RHOBTB2: variants seen among roughly 807,000 people sequenced by gnomAD.
The protein encoded by RHOBTB2 is Rho related BTB domain containing 2, also known as rho-related BTB domain-containing protein 2.
In RHOBTB2, 39 loss-of-function variants were observed where a neutral mutation model predicts 66.5. That is an observed-to-expected ratio of 0.59 (90% CI 0.45 to 0.77). The LOEUF (loss-of-function observed/expected upper bound fraction) is 0.77. Ranked by LOEUF, RHOBTB2 falls within the 30% of genes least tolerant of loss-of-function variation. RHOBTB2 has a pLI of 0.00. For synonymous variants in RHOBTB2, 390 were observed against 395.0 expected, an observed-to-expected ratio of 0.99 and a Z score of 0.15; for missense variants, 755 against 999.1, an observed-to-expected ratio of 0.76 and a Z score of 3.29.
chr8:22,951,059 A>G, the RHOBTB2 span, among the ~76,000 whole-genome samples: 11 of 152,196 alleles, frequency 7.2e-5, no homozygotes, highest in African/African-American at 2.4e-4. Flanking sequence ...CTTACCAAGG[A>G]CTTCCTTACC....
rs1585200278 is a variant in RHOBTB2, at chr8:23,019,159, G to A, written c.*1690G>A. The A allele has an allele frequency of 6.6e-6, 1 of 152,528 alleles. No individual in the cohort carries two copies. Among genetic ancestry groups the A allele is most frequent in the African/African-American group, 2.4e-5 (1 of 41,454 alleles). The allele number at this position is 152,528 out of a possible 1,614,324, so 9.4% of individuals were successfully genotyped here. A position where few individuals can be genotyped will look rare whatever the true frequency, so the allele number is the denominator to read the frequency against. On this transcript the variant is annotated 3_prime_UTR_variant, in exon 10 of 10. Transcript: ENST00000251822. ...GAGATGTTCTAGCTGAGAGGGCCTG[G>A]CCCTGGGGTGGGCTCCAGGAAAACG...
At chr8:22,973,504 G>T in the RHOBTB2 span, among the ~76,000 whole-genome samples, 1 of 152,096 alleles carries the variant, frequency 6.6e-6, no homozygotes, top group Non-Finnish European at 1.5e-5. Flanking sequence ...AAAGCACTGA[G>T]ATTACAGGCG....
the RHOBTB2 span, among the ~76,000 whole-genome samples, chr8:22,959,435 G>T: frequency 6.6e-6 from 1 of 151,954 alleles, no homozygotes; most frequent in Non-Finnish European, 1.5e-5. Context: ...GTTTGTTTTA[G>T]TAGAGACGGG....
At chr8:22,978,660 A>G in the RHOBTB2 span, among the ~76,000 whole-genome samples, 1 of 151,920 alleles carries the variant, frequency 6.6e-6, no homozygotes, top group Admixed American at 6.5e-5. Context: ...ACAGGAGGCT[A>G]GAAGAAAGAA....
chr8:22,963,417 A>T, the RHOBTB2 span, among the ~76,000 whole-genome samples: 1 of 152,250 alleles, frequency 6.6e-6, no homozygotes, highest in Non-Finnish European at 1.5e-5. Context: ...AAGATGAAAT[A>T]GGTAAAGATA....
chr8:23,016,038 C>T (rs1811282908), intron 9 of RHOBTB2, among the ~76,000 whole-genome samples: 1 of 152,208 alleles, frequency 6.6e-6, no homozygotes, highest in South Asian at 2.1e-4. Context: ...TACATTTCAT[C>T]TTGTGACCCA....
At chr8:22,969,688 T>A in the RHOBTB2 span, among the ~76,000 whole-genome samples, 3 of 152,220 alleles carry the variant, frequency 2.0e-5, no homozygotes, top group Non-Finnish European at 4.4e-5. Flanking sequence ...ATATTATTTA[T>A]AATAGTAATA....
intron 7 of RHOBTB2, among the ~76,000 whole-genome samples, chr8:23,011,969 C>A (rs1811161923): frequency 6.6e-6 from 1 of 152,194 alleles, no homozygotes; most frequent in African/African-American, 2.4e-5. Context: ...AGGCAGAAAT[C>A]ATTGATCAGA....
In RHOBTB2 at chr8:23,014,722, A is replaced by G; in HGVS notation, c.1804A>G (p.Thr602Ala). The G allele has an allele frequency of 6.2e-7, 1 of 1,614,148 alleles. No individual in the cohort carries two copies. Among genetic ancestry groups the G allele is most frequent in the Non-Finnish European group, 8.5e-7 (1 of 1,180,000 alleles). Residue 602 changes from threonine (T) to alanine (A), a missense_variant, in exon 8 of 10, where the codon ACC (threonine) becomes GCC (alanine). Thr to Ala is a moderately conservative substitution (Grantham distance 58). Transcript: ENST00000251822. ...CACAGTGACCGGGCTGATGGAAGCG[A>G]CCCAGATGATGGTGGACATCGATGG... ...QYTVTGLMEA[T>A]QMMVDIDGDV... is the part of the protein sequence containing the mutation.
Position 23,005,430 on chromosome 8 carries a change from A to C in RHOBTB2, c.251A>C (p.Asp84Ala). ...GTCAGCGTCTCTCTGCGCCTCTGGG[A>C]CACCTTTGGAGACCACCACAAAGAC... Reference protein sequence around the residue: ...DDVSVSLRLWDTFGDHHKDRR... With the variant: ...DDVSVSLRLWATFGDHHKDRR... The change falls in exon 3 of 10, where the codon GAC (aspartate) becomes GCC (alanine). Residue 84 changes from aspartate (D) to alanine (A), a missense_variant. Asp to Ala is a moderately radical substitution (Grantham distance 126). Around this residue, in one of 7 missense-constraint regions of RHOBTB2, gnomAD observed 65 missense variants for 152.4 expected, o/e 0.43. Transcript: ENST00000251822. The C allele has an allele frequency of 6.2e-7, 1 of 1,613,974 alleles. No homozygotes were observed. The highest frequency in any genetic ancestry group is 8.5e-7 in the Non-Finnish European group (1 of 1,179,940).
At chr8:22,970,178 T>C in the RHOBTB2 span, among the ~76,000 whole-genome samples, 2 of 152,154 alleles carry the variant, frequency 1.3e-5, no homozygotes, top group Non-Finnish European at 1.5e-5. Flanking sequence ...AAGCACAAGA[T>C]TAAGGCACCA....
chr8:22,980,158 T>C, the RHOBTB2 span, among the ~76,000 whole-genome samples: 3 of 152,146 alleles, frequency 2.0e-5, no homozygotes, highest in Admixed American at 1.3e-4. Flanking sequence ...GGGCTGTAAA[T>C]TGAACTGACA....
At chr8:22,992,170 A>G (rs1810442231) in exon 2 of RHOBTB2, 1 of 152,140 alleles carries the variant, frequency 6.6e-6, no homozygotes, top group South Asian at 2.1e-4. Context: ...ACCAACTACC[A>G]AAGGAGAGAG....
the RHOBTB2 span, among the ~76,000 whole-genome samples, chr8:22,965,837 A>T: frequency 6.6e-6 from 1 of 152,246 alleles, no homozygotes; most frequent in Non-Finnish European, 1.5e-5. Flanking sequence ...GAAAACATAG[A>T]GGCAAAGCTT....
the RHOBTB2 span, among the ~76,000 whole-genome samples, chr8:22,979,474 A>G: frequency 7.3e-5 from 11 of 151,722 alleles, no homozygotes; most frequent in Non-Finnish European, 1.5e-4. Context: ...TGTACTGTGG[A>G]TGTGTGTGTG....
chr8:22,957,081 C>G, the RHOBTB2 span, among the ~76,000 whole-genome samples: 1 of 152,180 alleles, frequency 6.6e-6, no homozygotes, highest in Non-Finnish European at 1.5e-5. Flanking sequence ...CTTTCCTTGT[C>G]TTTCATGACC....
chr8:22,954,715 G>A, the RHOBTB2 span, among the ~76,000 whole-genome samples: 1 of 152,174 alleles, frequency 6.6e-6, no homozygotes, highest in Non-Finnish European at 1.5e-5. Context: ...AGAATAATAT[G>A]CAGGAGAATA....
chr8:23,017,325 G>T lies in RHOBTB2; in HGVS notation c.2040G>T (p.Arg680=). 1 of 1,614,166 alleles carries T rather than the reference G, an allele frequency of 6.2e-7. No individual in the cohort carries two copies. The highest frequency in any genetic ancestry group is 8.5e-7 in the Non-Finnish European group (1 of 1,180,042). ...TGAAGGAGGAAGATCATTACCAGCGGGCACGGAAGGAGCGTGAGAAGGAGG... is the reference window on the plus strand; with the variant it reads ...TGAAGGAGGAAGATCATTACCAGCGTGCACGGAAGGAGCGTGAGAAGGAGG... ...WYLKEEDHYQ[R]ARKEREKEDY... is the part of the protein sequence containing the mutation. The change falls in exon 10 of 10, where the codon CGG becomes CGT. Residue 680 remains arginine (R), a synonymous_variant. Transcript: ENST00000251822. This position sits in a 1 kb window ranked among gnomAD's most constrained non-coding sequence, Gnocchi z 5.3.
At chr8:22,951,453 G>A in the RHOBTB2 span, among the ~76,000 whole-genome samples, 1 of 152,058 alleles carries the variant, frequency 6.6e-6, no homozygotes, top group South Asian at 2.1e-4. Context: ...TTTCACCTGG[G>A]TGCAGGCGGG....
Sources: gnomAD v4.1 joint callset for allele counts (sites outside exome capture counted in the v4.1 genomes callset) on GRCh38, gnomAD v4.1.1 for gene constraint, gnomAD v4.1.1 regional missense constraint, Gnocchi (gnomAD v3.1) non-coding constraint, MANE v1.5 for transcripts, NCBI Gene and HGNC (gene_info 2026-07-23, HGNC 2026-07-21) for gene names.